MAP6: variants seen among roughly 807,000 people sequenced by gnomAD.
MAP6 encodes microtubule-associated protein 6.
In MAP6, 26 loss-of-function variants were observed where a neutral mutation model predicts 42.4. The observed-to-expected ratio is 0.61, with a 90% CI of 0.45 to 0.85. The LOEUF (loss-of-function observed/expected upper bound fraction) is 0.85, where lower values mean the gene tolerates loss of function less well. MAP6 is among the 40% of genes least tolerant of loss of function. MAP6 has a pLI of 0.00. For missense variants in MAP6, 966 were observed against 1,099.0 expected, an observed-to-expected ratio of 0.88 and a Z score of 1.71; for synonymous variants, 418 against 443.8, an observed-to-expected ratio of 0.94 and a Z score of 0.73.
intron 1 of MAP6, among the ~76,000 whole-genome samples, chr11:75,652,301 A>G (rs1025993943): frequency 6.6e-6 from 1 of 152,092 alleles, no homozygotes; most frequent in Non-Finnish European, 1.5e-5. Context: ...CCACCATGTC[A>G]CTTCTTATAC....
At chr11:75,626,805 C>T (rs1032134645) in intron 1 of MAP6, among the ~76,000 whole-genome samples, 5 of 152,220 alleles carry the variant, frequency 3.3e-5, no homozygotes, top group East Asian at 1.9e-4. Flanking sequence ...AGAGAGACTA[C>T]GATCCAGGCC....
rs943501024 is a variant in MAP6 at position 75,667,976 on chromosome 11, G to T, written c.394C>A (p.Arg132=). The stretch of plus-strand genomic sequence containing the variant: ...CGCGGCCGGCAGCTGGGCTCGGGCC[G>T]CTGCACCTTCCAGGCTCGGTAATCC... ...RQDYRAWKVQ[R]PEPSCRPRSE... The change falls in exon 1 of 4, where the codon CGG becomes AGG. Residue 132 remains arginine (R), a synonymous_variant. Coordinates refer to ENST00000304771, the MANE Select transcript of MAP6 (RefSeq NM_033063.2). The surrounding 1 kb of genome is among the most constrained non-coding windows in gnomAD (Gnocchi z 5.6). 6.9e-6 allele frequency: 9 copies of T among 1,300,204 alleles called. No individual in the cohort carries two copies. In the African/African-American group the frequency reaches 1.2e-4, roughly 18 times the overall value. 80.5% of individuals were successfully genotyped at this position (1,300,204 alleles called of 1,614,324 possible).
intron 1 of MAP6, among the ~76,000 whole-genome samples, chr11:75,649,740 C>T (rs1323254692): frequency 6.6e-6 from 1 of 152,046 alleles, no homozygotes; most frequent in Non-Finnish European, 1.5e-5. Flanking sequence ...AGGGTTTCAG[C>T]ATCTTGGCCA....
rs1452836356 is a variant in MAP6 at position 75,605,907 on chromosome 11, T to G, written c.1217A>C (p.Gln406Pro). 6.2e-7 allele frequency: 1 copy of G among 1,614,216 alleles called. No individual in the cohort carries two copies. Among genetic ancestry groups the G allele is most frequent in the Non-Finnish European group, 8.5e-7 (1 of 1,180,050 alleles). ...CTCCGCGCTCTTTTTCTTGGCAGCC[T>G]GGCCTGACACCGCCTGCTTGTCTTT... The part of the protein sequence containing the change: ...KAKDKQAVSG[Q>P]AAKKKSAEGP... Residue 406 changes from glutamine to proline, a missense_variant, in exon 3 of 4, where the codon CAG becomes CCG. Coordinates refer to ENST00000304771, the MANE Select transcript of MAP6 (RefSeq NM_033063.2).
chr11:75,607,047 C>T (rs539688928), intron 2 of MAP6, among the ~76,000 whole-genome samples: 2 of 152,328 alleles, frequency 1.3e-5, no homozygotes, highest in South Asian at 4.1e-4. Flanking sequence ...GCCTTGCAGG[C>T]TGGATCATTC....
In MAP6 at chr11:75,668,393, C is replaced by T. The variant is rs745974647; in HGVS notation, c.-24G>A. The T allele has an allele frequency of 9.6e-6, 15 of 1,563,106 alleles. No individual in the cohort carries two copies. The East Asian group carries it at 2.7e-4, about 29-fold the overall frequency. ...ATGATGCTAGCTGAAAAGCCGGCCT[C>T]CTCTTTCTTCTTGTGGTTCTAAAGC... On this transcript the variant is annotated 5_prime_UTR_variant, in exon 1 of 4. Coordinates refer to ENST00000304771, the MANE Select transcript of MAP6 (RefSeq NM_033063.2).
chr11:75,603,345 C>T (rs938330083), intron 3 of MAP6: 4 of 985,828 alleles, frequency 4.1e-6, no homozygotes, highest in Non-Finnish European at 4.8e-6. Context: ...GCTTGTGGAA[C>T]CAAAATCAGT....
At chr11:75,606,730 T>A (rs1164781754) in intron 2 of MAP6, among the ~76,000 whole-genome samples, 1 of 152,192 alleles carries the variant, frequency 6.6e-6, no homozygotes, top group Non-Finnish European at 1.5e-5. Context: ...GCCAGCACTC[T>A]GCTCCTCCTC....
At chr11:75,619,362 T>A (rs911039197) in intron 1 of MAP6, among the ~76,000 whole-genome samples, 1 of 152,092 alleles carries the variant, frequency 6.6e-6, no homozygotes, top group Non-Finnish European at 1.5e-5. Context: ...ATATCTTTTT[T>A]ATTTGTTATT....
chr11:75,630,326 G>T (rs1415987029), intron 1 of MAP6, among the ~76,000 whole-genome samples: 1 of 152,104 alleles, frequency 6.6e-6, no homozygotes, highest in African/African-American at 2.4e-5. Flanking sequence ...TTTTGGAAGA[G>T]TTTGTGAAAA....
chr11:75,600,008 C>G (rs1171108228), intron 3 of MAP6, among the ~76,000 whole-genome samples: 5 of 152,206 alleles, frequency 3.3e-5, no homozygotes, highest in Admixed American at 3.3e-4. Flanking sequence ...TCTGTGGACT[C>G]AAGGTAATTC....
At chr11:75,628,399 T>C (rs1370157554) in intron 1 of MAP6, among the ~76,000 whole-genome samples, 1 of 152,106 alleles carries the variant, frequency 6.6e-6, no homozygotes, top group East Asian at 1.9e-4. Context: ...AAGACAAAGA[T>C]CCCAGCTTAA....
At chr11:75,598,595 G>A (rs1942620620) in intron 3 of MAP6, among the ~76,000 whole-genome samples, 1 of 152,236 alleles carries the variant, frequency 6.6e-6, no homozygotes, top group African/African-American at 2.4e-5. Context: ...CCCTTTCATG[G>A]GAGCAGAGAC....
In MAP6 at chr11:75,605,847, T is replaced by C; in HGVS notation, c.1277A>G (p.Gln426Arg). 1 of 1,614,220 alleles carries C rather than the reference T, an allele frequency of 6.2e-7. No individual in the cohort carries two copies. The highest frequency in any genetic ancestry group is 8.5e-7 in the Non-Finnish European group (1 of 1,180,036). ...PSTTKPDDKE[Q>R]SKEMNNKLAE... ...CAGTTTATTGTTCATCTCTTTGCTT[T>C]GCTCCTTGTCGTCTGGCTTGGTGGT... The change falls in exon 3 of 4, where the codon CAA becomes CGA. Residue 426 changes from glutamine to arginine, a missense_variant. Around this residue, in one of 2 missense-constraint regions of MAP6, gnomAD observed 943 missense variants for 1,049.9 expected, o/e 0.90. Coordinates refer to ENST00000304771, the MANE Select transcript of MAP6 (RefSeq NM_033063.2).
intron 3 of MAP6, among the ~76,000 whole-genome samples, chr11:75,591,943 CA>C (rs1171693203): frequency 1.3e-5 from 2 of 152,230 alleles, no homozygotes; most frequent in Admixed American, 1.3e-4. Context: ...GGATAGTGCA[CA>C]AATAAGTCCA....
At chr11:75,627,415 C>T (rs893998308) in intron 1 of MAP6, among the ~76,000 whole-genome samples, 6 of 152,240 alleles carry the variant, frequency 3.9e-5, no homozygotes, top group African/African-American at 4.8e-5. Context: ...ATCAAAGACA[C>T]GCCTAAACGG....
At position 75,589,444 on chromosome 11, in the gene MAP6, C is replaced by T. The variant is rs577526776; in HGVS notation, c.1317-1260G>A. Among the ~76,000 whole-genome samples the T allele has an allele frequency of 5.3e-5, 8 of 152,366 alleles. No individual in the cohort carries two copies. In the East Asian group the frequency reaches 1.3e-3, roughly 26 times the overall value. On this transcript the variant is annotated intron_variant, in intron 3 of 3. Transcript: ENST00000304771. The stretch of plus-strand genomic sequence containing the variant: ...AGCATCACAGGCCCTTGCACGCCTA[C>T]AACACATCCAGCTTTCCGAATGGCT...
At chr11:75,649,387 G>C (rs1943611853) in intron 1 of MAP6, among the ~76,000 whole-genome samples, 1 of 152,136 alleles carries the variant, frequency 6.6e-6, no homozygotes, top group Non-Finnish European at 1.5e-5. Context: ...AGGTATACAT[G>C]AAAGTATACC....
intron 1 of MAP6, among the ~76,000 whole-genome samples, chr11:75,630,645 C>T (rs1288626581): frequency 6.6e-6 from 1 of 152,132 alleles, no homozygotes; most frequent in Non-Finnish European, 1.5e-5. Flanking sequence ...AAAATAGATT[C>T]CTTCAAATTT....
Sources: gnomAD v4.1 joint callset for allele counts (sites outside exome capture counted in the v4.1 genomes callset) on GRCh38, gnomAD v4.1.1 for gene constraint, gnomAD v4.1.1 regional missense constraint, Gnocchi (gnomAD v3.1) non-coding constraint, MANE v1.5 for transcripts, NCBI Gene and HGNC (gene_info 2026-07-23, HGNC 2026-07-21) for gene names.